ROBO2: variants seen among roughly 807,000 people sequenced by gnomAD.
ROBO2 encodes roundabout homolog 2.
A neutral mutation model predicts 160.8 loss-of-function variants in ROBO2; 53 were observed. That is an observed-to-expected ratio of 0.33 (90% CI 0.26 to 0.41). ROBO2 has a LOEUF of 0.41. Ranked by LOEUF, ROBO2 falls within the 10% of genes least tolerant of loss-of-function variation. The pLI is 1.00. For missense variants in ROBO2, 1,577 were observed against 1,722.4 expected, an observed-to-expected ratio of 0.92 and a Z score of 1.49; for synonymous variants, 664 against 611.7, an observed-to-expected ratio of 1.09 and a Z score of -1.26.
chr3:77,130,596 C>T (rs201692583), intron 2 of ROBO2, among the ~76,000 whole-genome samples: 2 of 152,196 alleles, frequency 1.3e-5, no homozygotes, highest in South Asian at 2.1e-4. Context: ...ACAGGCATCA[C>T]CTCACATACG....
chr3:76,906,900 G>A (rs1385556161), intron 2 of ROBO2, among the ~76,000 whole-genome samples: 1 of 152,044 alleles, frequency 6.6e-6, no homozygotes, highest in Non-Finnish European at 1.5e-5. Flanking sequence ...ATTTGGTTAA[G>A]ATCCATTTAT....
intron 2 of ROBO2, among the ~76,000 whole-genome samples, chr3:77,175,991 G>T (rs566146060): frequency 6.6e-6 from 1 of 152,090 alleles, no homozygotes; most frequent in African/African-American, 2.4e-5. Context: ...AATAATGAAA[G>T]AATGAAGTAT....
chr3:77,640,206 G>A lies in ROBO2; in HGVS notation c.3935-4498G>A, dbSNP rs375177804. Among the ~76,000 whole-genome samples the A allele has an allele frequency of 3.8e-4, 54 of 140,874 alleles. 1 individual carries two copies. In the East Asian group the frequency reaches 0.01, roughly 27 times the overall value. The allele number at this position is 140,874 out of a possible 152,430, so 92.4% of individuals were successfully genotyped here. On this transcript the variant is annotated intron_variant, in intron 24 of 25. Transcript: ENST00000461745. The stretch of plus-strand genomic sequence containing the variant: ...GGCTCACTGCAAGATCCGCCTCCCG[G>A]GTTCACGCCATTCTCCTGCCTCAGC...
At chr3:76,889,687 A>G (rs77222530) in intron 2 of ROBO2, among the ~76,000 whole-genome samples, 2,400 of 152,324 alleles carry the variant, frequency 0.016, 27 homozygotes, top group African/African-American at 0.026. Context: ...TGTGGATTAC[A>G]CTTTGCTAAG....
At chr3:77,404,759 T>A (rs921411319) in intron 2 of ROBO2, among the ~76,000 whole-genome samples, 1 of 152,208 alleles carries the variant, frequency 6.6e-6, no homozygotes, top group Non-Finnish European at 1.5e-5. Context: ...TAATTACGTT[T>A]GTTATAAGCT....
At chr3:77,037,075 T>C (rs2063680411), upstream of ROBO2, among the ~76,000 whole-genome samples, 1 of 152,172 alleles carries the variant, frequency 6.6e-6, no homozygotes, top group Admixed American at 6.5e-5. Flanking sequence ...AGGTAATGTC[T>C]TTGTTCTTTT....
chr3:77,624,725 T>A (rs1436035493), intron 23 of ROBO2, among the ~76,000 whole-genome samples: 1 of 152,156 alleles, frequency 6.6e-6, no homozygotes, highest in Non-Finnish European at 1.5e-5. Flanking sequence ...ATATTTGTGG[T>A]GTGAATAAAT....
At chr3:76,649,965 G>A (rs905873053) in intron 2 of ROBO2, among the ~76,000 whole-genome samples, 4 of 152,002 alleles carry the variant, frequency 2.6e-5, no homozygotes, top group South Asian at 2.1e-4. Flanking sequence ...TATTTAAATC[G>A]TGAATATTCC....
rs946196009 is a variant in ROBO2, at chr3:77,598,228, A to C, written c.2854+1478A>C. Among the ~76,000 whole-genome samples the C allele has an allele frequency of 2.0e-5, 3 of 152,000 alleles. No homozygotes were observed. In the East Asian group the frequency reaches 5.8e-4, roughly 29 times the overall value. On this transcript the variant is annotated intron_variant, in intron 19 of 25. Coordinates refer to ENST00000461745, the Ensembl canonical transcript of ROBO2. ...TGACTGAGAACTGAGAAGGATATTC[A>C]TAGCATGTTCTCTTTAAGAATGGAT... is the stretch of plus-strand genomic sequence containing the variant.
At chr3:77,497,674 C>T (rs2086980479) in intron 5 of ROBO2, among the ~76,000 whole-genome samples, 1 of 152,044 alleles carries the variant, frequency 6.6e-6, no homozygotes, top group South Asian at 2.1e-4. Flanking sequence ...TTAGTACTGT[C>T]TTGATAGAGT....
intron 5 of ROBO2, among the ~76,000 whole-genome samples, chr3:77,517,745 A>G (rs570788475): frequency 1.3e-5 from 2 of 151,614 alleles, no homozygotes; most frequent in East Asian, 3.9e-4. Flanking sequence ...ATTCTGAGTA[A>G]CATGATGAAA....
intron 2 of ROBO2, among the ~76,000 whole-genome samples, chr3:76,616,120 T>C (rs998815756): frequency 1.3e-5 from 2 of 152,254 alleles, no homozygotes; most frequent in Non-Finnish European, 2.9e-5. Context: ...CCAGTAACTA[T>C]AGCTCAATGC....
intron 2 of ROBO2, among the ~76,000 whole-genome samples, chr3:76,641,981 A>G (rs141112840): frequency 1.3e-5 from 2 of 152,056 alleles, no homozygotes; most frequent in Non-Finnish European, 1.5e-5. Flanking sequence ...CAGCCTCCCA[A>G]AGTGTTGGGA....
chr3:76,420,781 A>G (rs1185968248), intron 2 of ROBO2, among the ~76,000 whole-genome samples: 1 of 152,220 alleles, frequency 6.6e-6, no homozygotes, highest in East Asian at 1.9e-4. Context: ...CATTTTCTCT[A>G]ACAGTATTAA....
chr3:76,546,789 G>GTT (rs112806399), intron 2 of ROBO2, among the ~76,000 whole-genome samples: 2 of 148,856 alleles, frequency 1.3e-5, no homozygotes, highest in African/African-American at 4.9e-5. Flanking sequence ...TCTAACACGA[G>GTT]TTTTTTTTTT....
chr3:77,108,022 A>G lies in ROBO2; in HGVS notation c.388+9682A>G, dbSNP rs777537391. Among the ~76,000 whole-genome samples, 169 of 151,440 alleles carry G rather than the reference A, an allele frequency of 1.1e-3. 3 individuals carry two copies. Among genetic ancestry groups the G allele is most frequent in the Middle Eastern group, 6.9e-3 (2 of 288 alleles). Reference sequence around the variant, plus strand: ...TGTGTGTGTGCATATAAACATACATATATTTTTTTCTTAACATGAGGTATA... The same window carrying G: ...TGTGTGTGTGCATATAAACATACATGTATTTTTTTCTTAACATGAGGTATA... On this transcript the variant is annotated intron_variant, in intron 2 of 25. Coordinates refer to ENST00000461745, the Ensembl canonical transcript of ROBO2.
chr3:77,591,965 T>C (rs1229380402), intron 17 of ROBO2, among the ~76,000 whole-genome samples: 4 of 152,244 alleles, frequency 2.6e-5, no homozygotes, highest in Non-Finnish European at 5.9e-5. Context: ...TAATTGTTCA[T>C]AGTTATTTGT....
intron 2 of ROBO2, among the ~76,000 whole-genome samples, chr3:76,579,860 C>CCTTA (rs543969524): frequency 7.9e-5 from 12 of 151,714 alleles, no homozygotes; most frequent in Non-Finnish European, 1.5e-4. Context: ...ATACCACCTG[C>CCTTA]CTTAATCAGC....
At chr3:77,128,392 C>A (rs912003975) in intron 2 of ROBO2, among the ~76,000 whole-genome samples, 12 of 152,236 alleles carry the variant, frequency 7.9e-5, no homozygotes, top group Non-Finnish European at 1.3e-4. Flanking sequence ...ACAGTATAAG[C>A]TTTGGTACTA....
Sources: gnomAD v4.1 joint callset for allele counts (sites outside exome capture counted in the v4.1 genomes callset) on GRCh38, gnomAD v4.1.1 for gene constraint, MANE v1.5 for transcripts, NCBI Gene and HGNC (gene_info 2026-07-23, HGNC 2026-07-21) for gene names.